Variants in LRRC4C observed in about 807,000 individuals in gnomAD.
LRRC4C encodes leucine-rich repeat-containing protein 4C.
In LRRC4C, 5 loss-of-function variants were observed where a neutral mutation model predicts 33.6. The observed-to-expected ratio is 0.15, with a 90% CI of 0.08 to 0.31. The LOEUF is 0.31. Among genes scored for constraint, LRRC4C ranks in the 10% least tolerant of loss-of-function variants. LRRC4C has a pLI of 1.00. For missense variants in LRRC4C, 560 were observed against 796.7 expected, an observed-to-expected ratio of 0.70 and a Z score of 3.58; for synonymous variants, 329 against 302.0, an observed-to-expected ratio of 1.09 and a Z score of -0.93.
intron 1 of LRRC4C, among the ~76,000 whole-genome samples, chr11:40,943,868 C>A (rs1958264757): frequency 6.6e-6 from 1 of 152,198 alleles, no homozygotes; most frequent in Admixed American, 6.5e-5. Context: ...GCAGAAGGCC[C>A]TGACCCATTT....
chr11:41,400,512 G>C (rs1315805581), intron 1 of LRRC4C, among the ~76,000 whole-genome samples: 2 of 151,746 alleles, frequency 1.3e-5, no homozygotes, highest in Non-Finnish European at 2.9e-5. Context: ...GGAACGCTGG[G>C]AATTCTACAA....
intron 2 of LRRC4C, among the ~76,000 whole-genome samples, chr11:40,651,326 A>C (rs912702735): frequency 1.5e-4 from 23 of 152,088 alleles, no homozygotes; most frequent in Admixed American, 1.3e-4. Flanking sequence ...AAGAAAACAT[A>C]GTAGAACTAA....
chr11:41,144,165 G>C (rs1943631472), intron 1 of LRRC4C, among the ~76,000 whole-genome samples: 1 of 152,116 alleles, frequency 6.6e-6, no homozygotes, highest in African/African-American at 2.4e-5. Context: ...CCATAAACCA[G>C]GGCAGCTCAA....
intron 3 of LRRC4C, among the ~76,000 whole-genome samples, chr11:40,336,945 C>A (rs538519421): frequency 9.4e-5 from 12 of 127,852 alleles, no homozygotes; most frequent in South Asian, 2.4e-4. Flanking sequence ...CCACTGCACT[C>A]CAGCCTGGGG....
intron 2 of LRRC4C, among the ~76,000 whole-genome samples, chr11:40,817,676 T>C (rs1951761354): frequency 6.6e-6 from 1 of 152,124 alleles, no homozygotes; most frequent in Admixed American, 6.6e-5. Flanking sequence ...AGAAACCTGG[T>C]AATCACTTTT....
chr11:40,671,239 ATT>A (rs1232560751), intron 2 of LRRC4C, among the ~76,000 whole-genome samples: 1 of 152,190 alleles, frequency 6.6e-6, no homozygotes, highest in Non-Finnish European at 1.5e-5. Context: ...TCATTTTATT[ATT>A]TTAAATTATT....
At chr11:40,188,445 A>C (rs992124615) in intron 5 of LRRC4C, among the ~76,000 whole-genome samples, 1 of 152,242 alleles carries the variant, frequency 6.6e-6, no homozygotes, top group Admixed American at 6.5e-5. Context: ...ATTATCAAAA[A>C]TACAAAAAGA....
At chr11:41,307,570 T>C (rs1333960445) in intron 1 of LRRC4C, among the ~76,000 whole-genome samples, 1 of 152,216 alleles carries the variant, frequency 6.6e-6, no homozygotes. Context: ...ACAGACACCA[T>C]TGTGGGGACA....
At chr11:41,323,247 A>C (rs993692863) in intron 1 of LRRC4C, among the ~76,000 whole-genome samples, 1 of 152,182 alleles carries the variant, frequency 6.6e-6, no homozygotes, top group Non-Finnish European at 1.5e-5. Flanking sequence ...TATTGATGAC[A>C]GCCATACCAC....
chr11:41,119,585 G>A (rs1361797843), intron 1 of LRRC4C, among the ~76,000 whole-genome samples: 1 of 152,156 alleles, frequency 6.6e-6, no homozygotes, highest in African/African-American at 2.4e-5. Flanking sequence ...TCCAAAGTTT[G>A]AAGAGATTTG....
intron 1 of LRRC4C, among the ~76,000 whole-genome samples, chr11:41,083,406 T>C (rs538528538): frequency 3.3e-5 from 5 of 152,246 alleles, no homozygotes; most frequent in African/African-American, 9.6e-5. Flanking sequence ...AAAATGTGAT[T>C]AAGAATGCAA....
chr11:40,421,112 G>A (rs1224487270), intron 3 of LRRC4C, among the ~76,000 whole-genome samples: 1 of 152,092 alleles, frequency 6.6e-6, no homozygotes, highest in Non-Finnish European at 1.5e-5. Flanking sequence ...CCTTCTCTCT[G>A]ATACATCTTT....
intron 1 of LRRC4C, among the ~76,000 whole-genome samples, chr11:41,041,402 A>AT (rs1229035209): frequency 1.3e-5 from 2 of 152,284 alleles, no homozygotes; most frequent in African/African-American, 4.8e-5. Context: ...TTTAGACTGC[A>AT]TTTTCTGACT....
intron 1 of LRRC4C, among the ~76,000 whole-genome samples, chr11:40,969,301 G>A (rs1270163645): frequency 6.6e-6 from 1 of 150,662 alleles, no homozygotes; most frequent in Non-Finnish European, 1.5e-5. Context: ...TAAATAAAGT[G>A]GTTTCTTGAG....
At chr11:41,067,155 C>T (rs537743317) in intron 1 of LRRC4C, among the ~76,000 whole-genome samples, 5 of 152,118 alleles carry the variant, frequency 3.3e-5, no homozygotes, top group East Asian at 1.9e-4. Context: ...CATCAATGTG[C>T]GGTATTCAGG....
chr11:40,471,661 T>G (rs1230964067), intron 3 of LRRC4C, among the ~76,000 whole-genome samples: 2 of 145,468 alleles, frequency 1.4e-5, no homozygotes, highest in Non-Finnish European at 3.0e-5. Flanking sequence ...TGGAGGAATA[T>G]TTACTAAGCA....
intron 2 of LRRC4C, among the ~76,000 whole-genome samples, chr11:40,930,278 A>G (rs931271333): frequency 2.0e-5 from 3 of 152,194 alleles, no homozygotes; most frequent in African/African-American, 7.2e-5. Flanking sequence ...CCTGGAGAGT[A>G]GAGACGCTGA....
intron 3 of LRRC4C, among the ~76,000 whole-genome samples, chr11:40,477,791 C>T (rs1953316934): frequency 6.6e-6 from 1 of 152,102 alleles, no homozygotes; most frequent in Admixed American, 6.5e-5. Flanking sequence ...GGATTTTAGT[C>T]TTGGTTTGAC....
chr11:40,864,628 T>C (rs955204544), intron 2 of LRRC4C, among the ~76,000 whole-genome samples: 10 of 152,220 alleles, frequency 6.6e-5, no homozygotes, highest in African/African-American at 2.4e-4. Context: ...TCTTATTGTG[T>C]GCCCATGGCA....
Sources: allele counts gnomAD v4.1 joint callset (sites outside exome capture counted in the v4.1 genomes callset), GRCh38; gene constraint gnomAD v4.1.1; transcripts MANE v1.5; gene names NCBI Gene and HGNC (gene_info 2026-07-23, HGNC 2026-07-21).